Variants in PRICKLE2 observed in about 807,000 individuals in gnomAD.
PRICKLE2 encodes the protein prickle planar cell polarity protein 2, also known as prickle-like protein 2.
PRICKLE2 carries 21 observed loss-of-function variants against 81.4 expected under a neutral mutation model. That is an observed-to-expected ratio of 0.26 (90% CI 0.18 to 0.37). The LOEUF is 0.37. PRICKLE2 is among the 10% of genes least tolerant of loss of function. The pLI, the probability that PRICKLE2 is intolerant of heterozygous loss-of-function variation, is 1.00. For missense variants in PRICKLE2, 940 were observed against 1,109.0 expected (o/e 0.85, Z 2.16); for synonymous variants, 456 against 421.5 (o/e 1.08, Z -1.00).
At chr3:64,247,722 T>C (rs2079378628) in intron 2 of PRICKLE2, among the ~76,000 whole-genome samples, 1 of 152,210 alleles carries the variant, frequency 6.6e-6, no homozygotes, top group Non-Finnish European at 1.5e-5. Flanking sequence ...TAACTCCCCC[T>C]ATCCCCTGCC....
intron 2 of PRICKLE2, among the ~76,000 whole-genome samples, chr3:64,171,450 C>T (rs2077930028): frequency 6.6e-6 from 1 of 152,208 alleles, no homozygotes; most frequent in Admixed American, 6.5e-5. Context: ...GCCAACAGTG[C>T]TGAAACTGAT....
intron 1 of PRICKLE2, among the ~76,000 whole-genome samples, chr3:64,217,129 G>C (rs1029498950): frequency 6.6e-6 from 1 of 152,122 alleles, no homozygotes; most frequent in African/African-American, 2.4e-5. Context: ...ACTGCCAGGA[G>C]GATGCCTACA....
chr3:64,141,672 C>T, intron 7 of PRICKLE2: 2 of 303,880 alleles, frequency 6.6e-6, no homozygotes, highest in Non-Finnish European at 9.7e-6. Flanking sequence ...AGGGACTGTA[C>T]ACTCCCAGTT....
intron 7 of PRICKLE2, among the ~76,000 whole-genome samples, chr3:64,124,603 C>A (rs2077079535): frequency 1.3e-5 from 2 of 151,922 alleles, no homozygotes; most frequent in African/African-American, 4.8e-5. Flanking sequence ...TTGACCAGTT[C>A]AAAAATCTTA....
At position 64,141,740 on chromosome 3, in the gene PRICKLE2, A is replaced by G. The variant is rs1275062806; in HGVS notation, c.1660+5090T>C. On this transcript the variant is annotated intron_variant, in intron 7 of 7. Coordinates refer to ENST00000638394, the MANE Select transcript of PRICKLE2 (RefSeq NM_198859.4). ...CTGAGGCTGACAAGCCAGTGCAGCT[A>G]TCTGTTTTTTCAGATCTGTTCTGAG... is the stretch of plus-strand genomic sequence containing the variant. 4.4e-6 allele frequency: 4 copies of G among 914,514 alleles called. No individual in the cohort carries two copies. In the African/African-American group the frequency reaches 7.2e-5, roughly 16 times the overall value. The allele number at this position is 914,514 out of a possible 1,614,324, so 56.6% of individuals were successfully genotyped here.
intron 7 of PRICKLE2, among the ~76,000 whole-genome samples, chr3:64,131,872 TA>T (rs11338858): frequency 0.13 from 20,300 of 152,032 alleles, 1,558 homozygotes; most frequent in Middle Eastern, 0.29. Flanking sequence ...GACATCCCAC[TA>T]AAAAAAGGGG....
chr3:64,162,513 T>A (rs138382334), intron 3 of PRICKLE2, among the ~76,000 whole-genome samples: 2 of 152,296 alleles, frequency 1.3e-5, no homozygotes, highest in African/African-American at 4.8e-5. Context: ...GACTTCACCA[T>A]GACAAAAACA....
At chr3:64,171,816 G>C (rs1374181573) in intron 2 of PRICKLE2, among the ~76,000 whole-genome samples, 1 of 152,180 alleles carries the variant, frequency 6.6e-6, no homozygotes, top group South Asian at 2.1e-4. Context: ...GCTGTGGGGT[G>C]GGTGGAGATG....
At chr3:64,190,028 C>T (rs948947142) in intron 2 of PRICKLE2, among the ~76,000 whole-genome samples, 2 of 152,198 alleles carry the variant, frequency 1.3e-5, no homozygotes, top group Admixed American at 1.3e-4. Flanking sequence ...TCTCCCCAGT[C>T]TGCCAACACT....
intron 2 of PRICKLE2, among the ~76,000 whole-genome samples, chr3:64,197,932 C>A (rs2078487881): frequency 6.6e-6 from 1 of 152,042 alleles, no homozygotes; most frequent in African/African-American, 2.4e-5. Context: ...GGGCTGATGG[C>A]CGGGTGTGGT....
At chr3:64,126,276 C>A (rs2077105899) in intron 7 of PRICKLE2, among the ~76,000 whole-genome samples, 1 of 152,150 alleles carries the variant, frequency 6.6e-6, no homozygotes, top group African/African-American at 2.4e-5. Context: ...GGAGATGCAG[C>A]AAAGAAAAAT....
intron 7 of PRICKLE2, among the ~76,000 whole-genome samples, chr3:64,140,898 G>A (rs193092588): frequency 9.2e-5 from 14 of 152,280 alleles, no homozygotes; most frequent in Admixed American, 4.6e-4. Context: ...AGCTAAAGCC[G>A]TTGTGCAAGT....
At chr3:64,145,884 T>A (rs1041335257) in intron 7 of PRICKLE2, 2 of 151,950 alleles carry the variant, frequency 1.3e-5, no homozygotes, top group African/African-American at 4.8e-5. Context: ...AGGGCATTAA[T>A]CCCATTCATG....
chr3:64,223,303 A>G (rs1575685905), intron 1 of PRICKLE2, among the ~76,000 whole-genome samples: 2 of 152,278 alleles, frequency 1.3e-5, no homozygotes, highest in South Asian at 4.1e-4. Context: ...CCTTACACCT[A>G]TCACCCTAAC....
At chr3:64,182,964 A>T (rs1423599084) in intron 2 of PRICKLE2, among the ~76,000 whole-genome samples, 1 of 152,176 alleles carries the variant, frequency 6.6e-6, no homozygotes, top group Non-Finnish European at 1.5e-5. Flanking sequence ...GGTAGGAATG[A>T]TTATATAAGT....
chr3:64,210,312 T>C (rs900999932), intron 1 of PRICKLE2, among the ~76,000 whole-genome samples: 11 of 152,298 alleles, frequency 7.2e-5, no homozygotes, highest in Non-Finnish European at 1.5e-4. Flanking sequence ...TCCCCTTTTT[T>C]GGCAAACACT....
chr3:64,139,174 G>A (rs1027903956), intron 7 of PRICKLE2, among the ~76,000 whole-genome samples: 1 of 152,126 alleles, frequency 6.6e-6, no homozygotes, highest in Admixed American at 6.5e-5. Flanking sequence ...AAGGTGTGTA[G>A]ATGAGGTGTG....
intron 7 of PRICKLE2, 110 bp from the exon 8 acceptor site, chr3:64,100,035 T>G: frequency 8.0e-7 from 1 of 1,248,752 alleles, no homozygotes; most frequent in Non-Finnish European, 1.2e-6. Context: ...TGTGAAGTTG[T>G]GTACTGCACA....
chr3:64,213,970 G>C (rs918309519), intron 1 of PRICKLE2, among the ~76,000 whole-genome samples: 2 of 152,124 alleles, frequency 1.3e-5, no homozygotes, highest in African/African-American at 2.4e-5. Context: ...TGTTCACAGA[G>C]AGGCCCCCAA....
Sources: allele counts gnomAD v4.1 joint callset (sites outside exome capture counted in the v4.1 genomes callset), GRCh38; gene constraint gnomAD v4.1.1; transcripts MANE v1.5; gene names NCBI Gene and HGNC (gene_info 2026-07-23, HGNC 2026-07-21).